CLSTN2: variants seen among roughly 807,000 people sequenced by gnomAD.
CLSTN2 encodes calsyntenin-2.
A neutral mutation model predicts 101.2 loss-of-function variants in CLSTN2; 48 were observed. That is an observed-to-expected ratio of 0.47 (90% CI 0.38 to 0.60). The LOEUF (loss-of-function observed/expected upper bound fraction) is 0.60, where lower values mean the gene tolerates loss of function less well. CLSTN2 is among the 20% of genes least tolerant of loss of function. The pLI is 0.00. For synonymous variants in CLSTN2, 481 were observed against 463.6 expected (o/e 1.04, Z -0.48); for missense variants, 1,160 against 1,238.2 (o/e 0.94, Z 0.95).
chr3:140,423,319 G>A (rs9832790), intron 5 of CLSTN2, among the ~76,000 whole-genome samples: 5,112 of 152,252 alleles, frequency 0.034, 306 homozygotes, highest in African/African-American at 0.12. Flanking sequence ...GGGCAAGGCC[G>A]GTGCCCATCT....
chr3:140,304,602 T>C (rs1232894787), intron 2 of CLSTN2, among the ~76,000 whole-genome samples: 1 of 152,248 alleles, frequency 6.6e-6, no homozygotes, highest in Non-Finnish European at 1.5e-5. Flanking sequence ...TACCCTCATA[T>C]TGGGAGCTAG....
intron 1 of CLSTN2, among the ~76,000 whole-genome samples, chr3:140,165,852 T>C (rs951420292): frequency 1.3e-5 from 2 of 152,176 alleles, no homozygotes; most frequent in African/African-American, 4.8e-5. Flanking sequence ...ATACTCAAAC[T>C]AGCACAATTT....
In CLSTN2 at chr3:140,113,592, G is replaced by A. The variant is rs2009191347; in HGVS notation, c.110-62359G>A. 2.0e-5 allele frequency among the ~76,000 whole-genome samples: 3 copies of A among 152,282 alleles called. 1 individual carries two copies. The South Asian group carries it at 6.2e-4, about 32-fold the overall frequency. On this transcript the variant is annotated intron_variant, in intron 1 of 16. Transcript: ENST00000458420. ...CAACAGTGAGAAATTGGACTGTGGGGTTTAGGGTTTCAGTCACATAATTCC... is the reference window on the plus strand; with the variant it reads ...CAACAGTGAGAAATTGGACTGTGGGATTTAGGGTTTCAGTCACATAATTCC...
chr3:140,291,651 T>G (rs569336335), intron 2 of CLSTN2, among the ~76,000 whole-genome samples: 1 of 151,758 alleles, frequency 6.6e-6, no homozygotes, highest in South Asian at 2.1e-4. Context: ...CCAGACGAGA[T>G]CTCTCATGAA....
intron 1 of CLSTN2, among the ~76,000 whole-genome samples, chr3:140,139,763 T>C (rs1321092722): frequency 6.6e-6 from 1 of 152,250 alleles, no homozygotes; most frequent in East Asian, 1.9e-4. Flanking sequence ...ACCACTCACA[T>C]TCTTATTGGA....
chr3:140,346,359 T>C (rs2087545835), intron 2 of CLSTN2, among the ~76,000 whole-genome samples: 1 of 152,184 alleles, frequency 6.6e-6, no homozygotes, highest in African/African-American at 2.4e-5. Context: ...AATGAGAATG[T>C]ATGGAGTAGG....
chr3:140,394,146 A>G (rs2088153069), intron 2 of CLSTN2, among the ~76,000 whole-genome samples: 1 of 152,116 alleles, frequency 6.6e-6, no homozygotes, highest in African/African-American at 2.4e-5. Context: ...AAGTCATTCA[A>G]CCCACTCCCT....
At chr3:140,209,569 A>C (rs552561161) in intron 2 of CLSTN2, among the ~76,000 whole-genome samples, 29 of 152,094 alleles carry the variant, frequency 1.9e-4, no homozygotes, top group South Asian at 8.3e-4. Context: ...TGGGGTGCTG[A>C]GGGAAGCTGT....
chr3:139,972,526 A>G (rs1043927052), intron 1 of CLSTN2, among the ~76,000 whole-genome samples: 4 of 152,100 alleles, frequency 2.6e-5, no homozygotes, highest in African/African-American at 9.7e-5. Flanking sequence ...TGCTGACAAC[A>G]TCACCCCTAT....
At chr3:140,518,791 G>C (rs1364700165) in intron 8 of CLSTN2, among the ~76,000 whole-genome samples, 4 of 152,194 alleles carry the variant, frequency 2.6e-5, no homozygotes, top group Non-Finnish European at 5.9e-5. Flanking sequence ...ATGTCGCTCT[G>C]TCTGTCCAAG....
chr3:140,276,707 A>G (rs1183707174), intron 2 of CLSTN2, among the ~76,000 whole-genome samples: 2 of 152,208 alleles, frequency 1.3e-5, no homozygotes, highest in Non-Finnish European at 2.9e-5. Context: ...TTTAGCATCA[A>G]AAGTCCCACA....
intron 8 of CLSTN2, among the ~76,000 whole-genome samples, chr3:140,482,131 C>G (rs1458549835): frequency 6.6e-6 from 1 of 152,146 alleles, no homozygotes; most frequent in Admixed American, 6.5e-5. Context: ...CCATCAATAC[C>G]TAATTTATTG....
chr3:140,557,309 A>G (rs1213606632), intron 11 of CLSTN2, among the ~76,000 whole-genome samples: 1 of 152,172 alleles, frequency 6.6e-6, no homozygotes, highest in Non-Finnish European at 1.5e-5. Flanking sequence ...GAAAGAGAGG[A>G]ACAAGGGTGG....
chr3:140,325,951 C>A (rs2087328429), intron 2 of CLSTN2, among the ~76,000 whole-genome samples: 1 of 152,184 alleles, frequency 6.6e-6, no homozygotes, highest in Admixed American at 6.5e-5. Flanking sequence ...AATGGCCTTA[C>A]TATCTAAATT....
chr3:140,538,361 G>A (rs1314339564), intron 9 of CLSTN2, among the ~76,000 whole-genome samples: 3 of 152,210 alleles, frequency 2.0e-5, no homozygotes, highest in Non-Finnish European at 4.4e-5. Context: ...ATGTAGAGAA[G>A]CTGTTTCTAA....
At chr3:140,120,465 A>G (rs556754772) in intron 1 of CLSTN2, among the ~76,000 whole-genome samples, 3 of 152,242 alleles carry the variant, frequency 2.0e-5, no homozygotes, top group South Asian at 4.2e-4. Flanking sequence ...TGTCCTCTTC[A>G]GTTTTTATGA....
intron 9 of CLSTN2, 112 bp downstream of exon 9, chr3:140,532,598 A>G (rs1404761497): frequency 2.5e-6 from 2 of 806,724 alleles, no homozygotes; most frequent in Non-Finnish European, 3.6e-6. Context: ...AAAAATTACT[A>G]CCCCTTACAA....
At chr3:139,949,042 C>T (rs1935253392) in intron 1 of CLSTN2, among the ~76,000 whole-genome samples, 2 of 152,274 alleles carry the variant, frequency 1.3e-5, no homozygotes, top group Admixed American at 6.5e-5. Flanking sequence ...GCACACTGCT[C>T]TGTCTCCTCC....
chr3:140,321,539 A>T (rs373510776), intron 2 of CLSTN2, among the ~76,000 whole-genome samples: 29 of 152,108 alleles, frequency 1.9e-4, no homozygotes, highest in African/African-American at 7.0e-4. Context: ...ACCACTGGGG[A>T]CCCTCCAAGC....
Sources: allele counts gnomAD v4.1 joint callset (sites outside exome capture counted in the v4.1 genomes callset), GRCh38; gene constraint gnomAD v4.1.1; transcripts MANE v1.5; gene names NCBI Gene and HGNC (gene_info 2026-07-23, HGNC 2026-07-21).